SETD7: variants seen among roughly 807,000 people sequenced by gnomAD.
The protein encoded by SETD7 is SET domain containing 7, histone lysine methyltransferase.
Under a neutral mutation model 41.8 loss-of-function variants are expected in SETD7, and 16 were observed. The ratio of observed to expected loss-of-function variants is 0.38; its 90% CI spans 0.26 to 0.58. The LOEUF (loss-of-function observed/expected upper bound fraction) is 0.58, where lower values mean the gene tolerates loss of function less well. Among genes scored for constraint, SETD7 ranks in the 20% least tolerant of loss-of-function variants. The pLI is 0.64. For missense variants in SETD7, 346 were observed against 459.7 expected (o/e 0.75, Z 2.26); for synonymous variants, 163 against 169.7 (o/e 0.96, Z 0.31).
chr4:139,514,124 A>T (rs1726954044), intron 7 of SETD7, among the ~76,000 whole-genome samples: 1 of 152,146 alleles, frequency 6.6e-6, no homozygotes, highest in African/African-American at 2.4e-5. Flanking sequence ...CTCTACCAAA[A>T]ATACAAAAAA....
chr4:139,538,137 ACAAG>A (rs1334785001), intron 2 of SETD7, among the ~76,000 whole-genome samples: 1 of 152,226 alleles, frequency 6.6e-6, no homozygotes, highest in Non-Finnish European at 1.5e-5. Flanking sequence ...TTTTTAAAGA[ACAAG>A]CAAGAAAAAT....
At chr4:139,541,524 CT>C (rs1320313348) in intron 2 of SETD7, among the ~76,000 whole-genome samples, 1 of 152,206 alleles carries the variant, frequency 6.6e-6, no homozygotes, top group Non-Finnish European at 1.5e-5. Flanking sequence ...GCATCAATTC[CT>C]TTATCTCGGG....
chr4:139,542,504 C>A lies in SETD7; in HGVS notation c.170+4416G>T, dbSNP rs576124895. Reference sequence around the variant, plus strand: ...TTTATGTATCAAAATCACACTTTACCCCAGAAAAATGTAGAATTATGTGTC... The same window carrying A: ...TTTATGTATCAAAATCACACTTTACACCAGAAAAATGTAGAATTATGTGTC... On this transcript the variant is annotated intron_variant, in intron 2 of 7. Transcript: ENST00000274031. Among the ~76,000 whole-genome samples, 23 of 152,110 alleles carry A rather than the reference C, an allele frequency of 1.5e-4. No homozygotes were observed. In the South Asian group the frequency reaches 2.5e-3, roughly 16 times the overall value.
At chr4:139,526,191 T>C (rs998050184) in intron 4 of SETD7, among the ~76,000 whole-genome samples, 2 of 151,904 alleles carry the variant, frequency 1.3e-5, no homozygotes, top group African/African-American at 4.8e-5. Flanking sequence ...GCTGGGACTG[T>C]AGGCACACTC....
At chr4:139,494,226 A>G (rs1329415364), downstream of SETD7, among the ~76,000 whole-genome samples, 1 of 152,158 alleles carries the variant, frequency 6.6e-6, no homozygotes, top group Non-Finnish European at 1.5e-5. Flanking sequence ...GAGCACAAAG[A>G]TCATAGGTAA....
chr4:139,544,912 C>T (rs1468062148), intron 2 of SETD7, among the ~76,000 whole-genome samples: 1 of 151,800 alleles, frequency 6.6e-6, no homozygotes, highest in Non-Finnish European at 1.5e-5. Flanking sequence ...TTAGCAAGGA[C>T]TTCTTTTTAG....
At chr4:139,496,722 G>A (rs927750374) in intron 7 of SETD7, among the ~76,000 whole-genome samples, 2 of 152,124 alleles carry the variant, frequency 1.3e-5, no homozygotes, top group African/African-American at 2.4e-5. Context: ...GATGTTCCAC[G>A]GGGACTGTGT....
intron 4 of SETD7, among the ~76,000 whole-genome samples, chr4:139,528,718 T>C (rs1727398844): frequency 6.6e-6 from 1 of 152,178 alleles, no homozygotes; most frequent in Non-Finnish European, 1.5e-5. Flanking sequence ...TTGCCCCACA[T>C]TGCCATTGTC....
chr4:139,533,109 T>C (rs748328603), intron 3 of SETD7, 56 bp downstream of exon 3: 86 of 1,433,388 alleles, frequency 6.0e-5, no homozygotes, highest in Non-Finnish European at 8.0e-5. Context: ...TTACTCTTCA[T>C]TGTGAAGAGT....
downstream of SETD7, among the ~76,000 whole-genome samples, chr4:139,502,258 AAG>A (rs1242032609): frequency 2.0e-5 from 3 of 152,246 alleles, no homozygotes; most frequent in Non-Finnish European, 4.4e-5. Context: ...AGGGAGGAGA[AAG>A]ACAATAAACA....
chr4:139,493,198 A>G (rs76517364), downstream of SETD7, among the ~76,000 whole-genome samples: 253 of 152,354 alleles, frequency 1.7e-3, 2 homozygotes, highest in African/African-American at 5.8e-3. Flanking sequence ...AAGACAGCAG[A>G]TAAGTTGAGG....
At chr4:139,495,477 A>C (rs1726436468), downstream of SETD7, among the ~76,000 whole-genome samples, 1 of 152,168 alleles carries the variant, frequency 6.6e-6, no homozygotes, top group South Asian at 2.1e-4. Context: ...ATTGACTCAC[A>C]GTTCTGCATG....
downstream of SETD7, among the ~76,000 whole-genome samples, chr4:139,494,229 A>G (rs972975183): frequency 6.6e-6 from 1 of 152,218 alleles, no homozygotes; most frequent in African/African-American, 2.4e-5. Flanking sequence ...CACAAAGATC[A>G]TAGGTAATAG....
chr4:139,543,463 G>A (rs944356999), intron 2 of SETD7, among the ~76,000 whole-genome samples: 3 of 152,108 alleles, frequency 2.0e-5, no homozygotes, highest in East Asian at 1.9e-4. Flanking sequence ...AGATGAGGAC[G>A]ACCTTTTGAG....
At position 139,506,462 on chromosome 4, in the gene SETD7, A is replaced by G. The variant is rs1327773581; in HGVS notation, c.*5201T>C. 2 of 152,616 alleles carry G rather than the reference A, an allele frequency of 1.3e-5. No individual in the cohort carries two copies. The allele number at this position is 152,616 out of a possible 1,614,324, so 9.5% of individuals were successfully genotyped here. A position where few individuals can be genotyped will look rare whatever the true frequency, so the allele number is the denominator to read the frequency against. On this transcript the variant is annotated 3_prime_UTR_variant, in exon 8 of 8. Transcript: ENST00000274031. ...GATAAAGAGAGAACATAGAACACCC[A>G]GGAGGAAACTTTTGAAGAAGGGAGC...
At position 139,509,629 on chromosome 4, in the gene SETD7, G is replaced by A; in HGVS notation, c.*2034C>T. On this transcript the variant is annotated 3_prime_UTR_variant, in exon 8 of 8. Transcript: ENST00000274031. ...TGGCTGCACAACCCACTTGATCGAG[G>A]TTAATGCAAGCCATCTTTCTCCTGA... 2.2e-6 allele frequency: 2 copies of A among 908,930 alleles called. No homozygotes were observed. Among genetic ancestry groups the A allele is most frequent in the Non-Finnish European group, 2.6e-6 (2 of 760,254 alleles). The allele number at this position is 908,930 out of a possible 1,614,324, so 56.3% of individuals were successfully genotyped here. A position where few individuals can be genotyped will look rare whatever the true frequency, so the allele number is the denominator to read the frequency against.
chr4:139,522,920 A>G (rs531517414), intron 5 of SETD7, among the ~76,000 whole-genome samples: 1 of 151,756 alleles, frequency 6.6e-6, no homozygotes, highest in South Asian at 2.1e-4. Flanking sequence ...CACCCAGCTA[A>G]TTTTTGTATT....
intron 5 of SETD7, among the ~76,000 whole-genome samples, chr4:139,521,448 G>C (rs577693443): frequency 1.6e-4 from 24 of 151,560 alleles, no homozygotes; most frequent in African/African-American, 5.6e-4. Context: ...AGAAAAAAGC[G>C]CTCATAATTA....
At chr4:139,524,450 C>T (rs1187459289) in intron 4 of SETD7, among the ~76,000 whole-genome samples, 1 of 152,146 alleles carries the variant, frequency 6.6e-6, no homozygotes, top group Non-Finnish European at 1.5e-5. Flanking sequence ...CCACTGGAGG[C>T]CGGAGGGACA....
Sources: allele counts gnomAD v4.1 joint callset (sites outside exome capture counted in the v4.1 genomes callset), GRCh38; gene constraint gnomAD v4.1.1; transcripts MANE v1.5; gene names NCBI Gene and HGNC (gene_info 2026-07-23, HGNC 2026-07-21).